Variants in NXPH1 observed in about 807,000 individuals in gnomAD.
NXPH1 encodes neurexophilin 1.
In NXPH1, 5 loss-of-function variants were observed where a neutral mutation model predicts 23.7. The observed-to-expected ratio is 0.21, with a 90% CI of 0.11 to 0.44. The LOEUF is 0.44. NXPH1 is among the 20% of genes least tolerant of loss of function. The pLI, the probability that NXPH1 is intolerant of heterozygous loss-of-function variation, is 0.99. For synonymous variants in NXPH1, 144 were observed against 122.2 expected (o/e 1.18, Z -1.18); for missense variants, 324 against 321.6 (o/e 1.01, Z -0.06).
At chr7:8,733,168 G>T (rs868412715) in intron 2 of NXPH1, among the ~76,000 whole-genome samples, 23 of 152,226 alleles carry the variant, frequency 1.5e-4, no homozygotes, top group African/African-American at 5.5e-4. Flanking sequence ...TTAGAATGAT[G>T]GTTTCCAGCT....
chr7:8,503,230 C>G (rs1366511087), intron 2 of NXPH1, among the ~76,000 whole-genome samples: 2 of 151,952 alleles, frequency 1.3e-5, no homozygotes, highest in Non-Finnish European at 2.9e-5. Context: ...TATTATTATC[C>G]TTATTTTATA....
At chr7:8,598,736 TG>T (rs1819287037) in intron 2 of NXPH1, among the ~76,000 whole-genome samples, 1 of 152,170 alleles carries the variant, frequency 6.6e-6, no homozygotes, top group African/African-American at 2.4e-5. Context: ...TGCAGGGGGA[TG>T]CAAAGAGAAA....
chr7:8,644,173 T>C (rs76048187), intron 2 of NXPH1, among the ~76,000 whole-genome samples: 7,193 of 152,286 alleles, frequency 0.047, 369 homozygotes, highest in East Asian at 0.17. Flanking sequence ...GGAAGAGTTT[T>C]CTTTCTTTGG....
At chr7:8,576,936 T>C (rs982097910) in intron 2 of NXPH1, among the ~76,000 whole-genome samples, 1 of 152,126 alleles carries the variant, frequency 6.6e-6, no homozygotes, top group Admixed American at 6.5e-5. Context: ...TGAATGGCCT[T>C]TACTCTTTTA....
rs1334267092 is a variant in NXPH1 at position 8,543,048 on chromosome 7, A to G, written c.54+107281A>G. 2.0e-5 allele frequency among the ~76,000 whole-genome samples: 3 copies of G among 151,608 alleles called. No individual in the cohort carries two copies. The East Asian group carries it at 5.9e-4, about 30-fold the overall frequency. On this transcript the variant is annotated intron_variant, in intron 2 of 2. Transcript: ENST00000405863. ...AATTGAATTTACATGCATTTGAGCT[A>G]TCCCTCCTTGACCCCCATGATGATT...
rs1341771724 is a variant in NXPH1 at position 8,710,838 on chromosome 7, A to AT, written c.55-40165dup. 3.0e-5 allele frequency among the ~76,000 whole-genome samples: 4 copies of AT among 131,714 alleles called. 1 individual carries two copies. The highest frequency in any genetic ancestry group is 1.0e-4 in the African/African-American group (3 of 29,654). 86.4% of individuals were successfully genotyped at this position (131,714 alleles called of 152,430 possible). On this transcript the variant is annotated intron_variant, in intron 2 of 2. Transcript: ENST00000405863. ...CCACCGCGCCCGGCTAATTTTTTGTATTTTTAGTAGAGACGGGGTTTCACC... is the reference window on the plus strand; with the variant it reads ...CCACCGCGCCCGGCTAATTTTTTGTATTTTTTAGTAGAGACGGGGTTTCACC...
At chr7:8,691,738 G>C (rs137865431) in intron 2 of NXPH1, among the ~76,000 whole-genome samples, 31 of 152,244 alleles carry the variant, frequency 2.0e-4, no homozygotes, top group African/African-American at 7.5e-4. Context: ...AGGCATAGGG[G>C]TACAATGGTG....
intron 2 of NXPH1, among the ~76,000 whole-genome samples, chr7:8,673,678 TG>T (rs1820906197): frequency 6.6e-6 from 1 of 152,164 alleles, no homozygotes; most frequent in South Asian, 2.1e-4. Context: ...TGTGCATGTA[TG>T]TATGTATGAT....
intron 2 of NXPH1, among the ~76,000 whole-genome samples, chr7:8,744,643 G>C (rs1468312546): frequency 6.6e-6 from 1 of 152,086 alleles, no homozygotes; most frequent in African/African-American, 2.4e-5. Flanking sequence ...CAGTTTCCTA[G>C]TGGATGGCAT....
chr7:8,438,552 C>G (rs150974178), intron 2 of NXPH1, among the ~76,000 whole-genome samples: 121 of 152,354 alleles, frequency 7.9e-4, no homozygotes, highest in Middle Eastern at 3.4e-3. Context: ...GCACCTTGAC[C>G]TTTAAGCCCA....
chr7:8,662,071 A>G (rs1820684739), intron 2 of NXPH1, among the ~76,000 whole-genome samples: 1 of 151,862 alleles, frequency 6.6e-6, no homozygotes, highest in South Asian at 2.1e-4. Flanking sequence ...TCCAACCAAA[A>G]AGTTGCTCAG....
At chr7:8,721,436 G>C (rs1351942326) in intron 2 of NXPH1, among the ~76,000 whole-genome samples, 1 of 152,166 alleles carries the variant, frequency 6.6e-6, no homozygotes, top group Non-Finnish European at 1.5e-5. Context: ...AAGATGGATA[G>C]TCTTTGCAGT....
intron 2 of NXPH1, among the ~76,000 whole-genome samples, chr7:8,618,021 A>C (rs777945488): frequency 6.6e-5 from 10 of 152,092 alleles, no homozygotes; most frequent in Non-Finnish European, 1.3e-4. Context: ...AAAAGTTAAA[A>C]ATTTTTTAAA....
intron 2 of NXPH1, among the ~76,000 whole-genome samples, chr7:8,581,255 C>A (rs1045425518): frequency 1.5e-4 from 23 of 152,106 alleles, no homozygotes; most frequent in African/African-American, 5.1e-4. Flanking sequence ...ATGTATTAGT[C>A]CATTCTTGCA....
At chr7:8,648,471 C>T (rs6949582) in intron 2 of NXPH1, among the ~76,000 whole-genome samples, 106,712 of 151,870 alleles carry the variant, frequency 0.7, 38,307 homozygotes, top group East Asian at 1. Flanking sequence ...CAGTTCCACC[C>T]GCGTTGTTGC....
At chr7:8,487,273 G>C (rs1817174095) in intron 2 of NXPH1, among the ~76,000 whole-genome samples, 1 of 152,094 alleles carries the variant, frequency 6.6e-6, no homozygotes, top group African/African-American at 2.4e-5. Flanking sequence ...CCTGGTGGGA[G>C]GTAACTAAAT....
At chr7:8,673,459 C>G (rs553585410) in intron 2 of NXPH1, among the ~76,000 whole-genome samples, 35 of 152,082 alleles carry the variant, frequency 2.3e-4, no homozygotes, top group Non-Finnish European at 4.0e-4. Flanking sequence ...TATTTCAAAT[C>G]TGTATGTTTG....
chr7:8,704,750 T>A (rs1041682447), intron 2 of NXPH1, among the ~76,000 whole-genome samples: 2 of 146,024 alleles, frequency 1.4e-5, no homozygotes, highest in South Asian at 4.4e-4. Flanking sequence ...ACTTAATCTG[T>A]AAAAAAAAAA....
chr7:8,603,231 A>C (rs77022632), intron 2 of NXPH1, among the ~76,000 whole-genome samples: 7,821 of 152,250 alleles, frequency 0.051, 352 homozygotes, highest in East Asian at 0.17. Flanking sequence ...CTATGTCCAA[A>C]TTTGTTGGAA....
Sources: gnomAD v4.1 joint callset for allele counts (sites outside exome capture counted in the v4.1 genomes callset) on GRCh38, gnomAD v4.1.1 for gene constraint, MANE v1.5 for transcripts, NCBI Gene and HGNC (gene_info 2026-07-23, HGNC 2026-07-21) for gene names.